The following COL14A1 variants were observed in gnomAD, a reference collection of about 807,000 sequenced individuals.
The protein encoded by COL14A1 is collagen type XIV alpha 1 chain.
A neutral mutation model predicts 230.3 loss-of-function variants in COL14A1; 136 were observed. That is an observed-to-expected ratio of 0.59 (90% CI 0.51 to 0.68). The LOEUF (loss-of-function observed/expected upper bound fraction) is 0.68. COL14A1 is among the 30% of genes least tolerant of loss of function. COL14A1 has a pLI of 0.00. For missense variants in COL14A1, 1,976 were observed against 2,215.8 expected (o/e 0.89, Z 2.17); for synonymous variants, 792 against 784.1 (o/e 1.01, Z -0.17).
intron 35 of COL14A1, 131 bp from the exon 36 acceptor site, chr8:120,300,601 A>G (rs1820680082): frequency 2.8e-6 from 2 of 707,392 alleles, no homozygotes; most frequent in Non-Finnish European, 4.9e-6. Context: ...TCAGGAGTGA[A>G]TATTCTCTGC....
Position 120,297,587 on chromosome 8 carries a change from T to A in COL14A1, c.4313T>A (p.Leu1438Gln). 1 of 1,379,232 alleles carries A rather than the reference T, an allele frequency of 7.3e-7. No individual in the cohort carries two copies. Among genetic ancestry groups the A allele is most frequent in the Non-Finnish European group, 9.5e-7 (1 of 1,057,764 alleles). 85.4% of individuals were successfully genotyped at this position (1,379,232 alleles called of 1,614,324 possible). Residue 1438 changes from leucine (L) to glutamine (Q), a missense_variant and splice_region_variant, in exon 35 of 48, where the codon CTG becomes CAG. By Grantham distance (113) the Leu-to-Gln change is moderately radical. Around this residue, in one of 3 missense-constraint regions of COL14A1, gnomAD observed 1,791 missense variants for 2,019.5 expected, o/e 0.89. Coordinates refer to ENST00000297848, the MANE Select transcript of COL14A1 (RefSeq NM_021110.4). ...NTDKCCELPG[L>Q]RDDESCPDLP... is the part of the protein sequence containing the mutation. The stretch of plus-strand genomic sequence containing the variant: ...GACAAATGCTGTGAACTTCCAGGCC[T>A]GGTAAGAATTCTTCCTTCATTTCTA...
At chr8:120,178,925 T>C (rs1034102535) in intron 5 of COL14A1, among the ~76,000 whole-genome samples, 6 of 152,210 alleles carry the variant, frequency 3.9e-5, no homozygotes, top group Non-Finnish European at 8.8e-5. Context: ...GATGGTTTTT[T>C]TTTTGTAAAT....
chr8:120,213,301 C>G (rs909087862), intron 13 of COL14A1, among the ~76,000 whole-genome samples: 5 of 152,068 alleles, frequency 3.3e-5, no homozygotes, highest in Non-Finnish European at 5.9e-5. Flanking sequence ...TAAAATATGG[C>G]TCTATTCGTG....
At chr8:120,196,702 C>A in intron 5 of COL14A1, 89 bp from the exon 6 acceptor site, 1 of 1,295,040 alleles carries the variant, frequency 7.7e-7, no homozygotes, top group Non-Finnish European at 1.1e-6. Context: ...GTATTCTTAG[C>A]ACTAAGTTGT....
chr8:120,172,421 G>A lies in COL14A1; in HGVS notation c.436+4174G>A, dbSNP rs549141566. Among the ~76,000 whole-genome samples the A allele has an allele frequency of 2.0e-5, 3 of 152,292 alleles. No homozygotes were observed. In the South Asian group the frequency reaches 6.2e-4, roughly 32 times the overall value. ...CTGCCTCTGTCTCCCAAAGTGCTGG[G>A]ATTACAGGCATGAGCCACCGCAGCC... On this transcript the variant is annotated intron_variant, in intron 5 of 47. Coordinates refer to ENST00000297848, the MANE Select transcript of COL14A1 (RefSeq NM_021110.4).
chr8:120,350,656 G>A (rs1326424371), intron 45 of COL14A1, among the ~76,000 whole-genome samples: 6 of 147,532 alleles, frequency 4.1e-5, no homozygotes, highest in African/African-American at 1.5e-4. Context: ...TTACATAATG[G>A]TAAAGGGATC....
chr8:120,196,673 C>CT lies in COL14A1; in HGVS notation c.437-117dup. On this transcript the variant is annotated intron_variant, in intron 5 of 47. Transcript: ENST00000297848. Reference sequence around the variant, plus strand: ...GGGAAGAGTTGTAAAAAGATGGCTGCTCCTACGGGAACTCTTTTGTATTCT... The same window carrying CT: ...GGGAAGAGTTGTAAAAAGATGGCTGCTTCCTACGGGAACTCTTTTGTATTCT... 11 of 978,178 alleles carry CT rather than the reference C, an allele frequency of 1.1e-5. No homozygotes were observed. In the South Asian group the frequency reaches 2.2e-4, roughly 19 times the overall value. The allele number at this position is 978,178 out of a possible 1,614,324, so 60.6% of individuals were successfully genotyped here.
At chr8:120,244,819 G>T (rs1404704698) in intron 20 of COL14A1, among the ~76,000 whole-genome samples, 1 of 152,104 alleles carries the variant, frequency 6.6e-6, no homozygotes, top group East Asian at 1.9e-4. Flanking sequence ...TCTTCTTATA[G>T]CAGCTTGAGG....
chr8:120,165,291 C>T (rs1815827889), intron 4 of COL14A1, among the ~76,000 whole-genome samples: 1 of 152,192 alleles, frequency 6.6e-6, no homozygotes, highest in Non-Finnish European at 1.5e-5. Context: ...CAAGATAAAG[C>T]CTTGTGGCTA....
At chr8:120,323,726 T>A (rs1250719496) in intron 40 of COL14A1, among the ~76,000 whole-genome samples, 1 of 152,108 alleles carries the variant, frequency 6.6e-6, no homozygotes, top group Non-Finnish European at 1.5e-5. Flanking sequence ...CAGATAGTTG[T>A]TGGTGTGTGG....
At chr8:120,287,709 A>G (rs1820247179) in intron 33 of COL14A1, among the ~76,000 whole-genome samples, 1 of 152,166 alleles carries the variant, frequency 6.6e-6, no homozygotes, top group Admixed American at 6.5e-5. Flanking sequence ...TAAAGCCAAA[A>G]AGCCAAACAA....
chr8:120,274,486 G>T (rs1196279660), intron 26 of COL14A1, among the ~76,000 whole-genome samples: 1 of 151,670 alleles, frequency 6.6e-6, no homozygotes, highest in African/African-American at 2.4e-5. Flanking sequence ...GAGCAATCAG[G>T]CAAGAGAAAA....
chr8:120,232,134 A>G (rs1818291880), intron 19 of COL14A1: 1 of 152,222 alleles, frequency 6.6e-6, no homozygotes, highest in Non-Finnish European at 1.5e-5. Context: ...TATTGAGTAG[A>G]TTTATAGTCA....
intron 22 of COL14A1, 28 bp downstream of exon 22, chr8:120,250,794 C>A: frequency 1.2e-6 from 2 of 1,612,028 alleles, no homozygotes; most frequent in African/African-American, 1.3e-5. Context: ...TGGCCTCAGC[C>A]GCATATGGGT....
At chr8:120,130,653 G>T (rs537108291) in intron 1 of COL14A1, among the ~76,000 whole-genome samples, 2 of 152,258 alleles carry the variant, frequency 1.3e-5, no homozygotes, top group South Asian at 4.1e-4. Flanking sequence ...AAAATTAAAA[G>T]AATTTAATGG....
chr8:120,188,192 C>T (rs1157164407), intron 5 of COL14A1, among the ~76,000 whole-genome samples: 1 of 151,808 alleles, frequency 6.6e-6, no homozygotes, highest in Non-Finnish European at 1.5e-5. Context: ...AAGCAATTCT[C>T]CTGCCTCAAC....
intron 26 of COL14A1, among the ~76,000 whole-genome samples, chr8:120,276,133 TA>T (rs1438756621): frequency 6.6e-6 from 1 of 150,554 alleles, no homozygotes; most frequent in Admixed American, 6.7e-5. Context: ...TGTAAAAAAA[TA>T]TATTATATAT....
intron 14 of COL14A1, 146 bp downstream of exon 14, chr8:120,216,636 T>C (rs1359678962): frequency 3.5e-6 from 3 of 846,376 alleles, no homozygotes; most frequent in Non-Finnish European, 1.7e-6. Context: ...AGGTCAGGAA[T>C]TGGGGTGTGG....
intron 44 of COL14A1, 69 bp downstream of exon 44, chr8:120,342,515 C>T: frequency 6.9e-7 from 1 of 1,450,754 alleles, no homozygotes; most frequent in East Asian, 2.3e-5. Context: ...GTTTCTTTTC[C>T]CATGAGCGTA....
Sources: allele counts gnomAD v4.1 joint callset (sites outside exome capture counted in the v4.1 genomes callset), GRCh38; gene constraint gnomAD v4.1.1; regional missense constraint gnomAD v4.1.1; transcripts MANE v1.5; gene names NCBI Gene and HGNC (gene_info 2026-07-23, HGNC 2026-07-21).